C1RL: variants seen among roughly 807,000 people sequenced by gnomAD.
C1RL encodes complement C1r subcomponent like, also known as complement C1r subcomponent-like protein.
A neutral mutation model predicts 27.9 loss-of-function variants in C1RL; 27 were observed. The observed-to-expected ratio is 0.97, with a 90% confidence interval of 0.71 to 1.33. The LOEUF (loss-of-function observed/expected upper bound fraction) is 1.33, where lower values mean the gene tolerates loss of function less well. Ranked by LOEUF, C1RL falls within the 40% of genes most tolerant of loss-of-function variation. The pLI is 0.00. For missense variants in C1RL, 563 were observed against 623.9 expected (o/e 0.90, Z 1.04); for synonymous variants, 248 against 252.1 (o/e 0.98, Z 0.15).
In C1RL at chr12:7,100,132, T is replaced by A. The variant is rs930283053; in HGVS notation, c.491-106A>T. The A allele has an allele frequency of 1.7e-5, 19 of 1,118,656 alleles. No homozygotes were observed. In the African/African-American group the frequency reaches 2.8e-4, roughly 17 times the overall value. The allele number at this position is 1,118,656 out of a possible 1,614,324, so 69.3% of individuals were successfully genotyped here. On this transcript the variant is annotated intron_variant, in intron 3 of 5. Coordinates refer to ENST00000266542, the MANE Select transcript of C1RL (RefSeq NM_016546.4). ...GACTTGCACAGTGTTTTATTTTTTA[T>A]TTTTAGTTTTTTTAAAACATTTGAG...
At chr12:7,107,325 C>T (rs1050535991) in intron 2 of C1RL, among the ~76,000 whole-genome samples, 1 of 152,102 alleles carries the variant, frequency 6.6e-6, no homozygotes, top group African/African-American at 2.4e-5. Context: ...CGTGCCACCA[C>T]ACTTGGCTAA....
chr12:7,098,131 C>T (rs745306254), intron 5 of C1RL, among the ~76,000 whole-genome samples: 13 of 152,192 alleles, frequency 8.5e-5, no homozygotes, highest in African/African-American at 3.1e-4. Flanking sequence ...ATTAGCCGGC[C>T]GTGGTGGCGG....
In C1RL at chr12:7,109,001, G is replaced by T. The variant is rs1229776448; in HGVS notation, c.71+109C>A. 7.4e-5 allele frequency: 25 copies of T among 338,994 alleles called. 1 individual carries two copies. In the African/African-American group the frequency reaches 1.2e-3, roughly 17 times the overall value. 21.0% of individuals were successfully genotyped at this position (338,994 alleles called of 1,614,324 possible). ...TGTGTGTGTGTGTGGGGGGGGGGGG[G>T]ATGTGTGTGTGGGGGGGGTAGGGTG... On this transcript the variant is annotated intron_variant, in intron 1 of 5. Transcript: ENST00000266542.
At position 7,095,362 on chromosome 12, in the gene C1RL, C is replaced by T. The variant is rs2135750213; in HGVS notation, c.*1029G>A. 9.8e-7 allele frequency: 1 copy of T among 1,023,000 alleles called. No homozygotes were observed. Among genetic ancestry groups the T allele is most frequent in the Non-Finnish European group, 1.2e-6 (1 of 844,290 alleles). 63.4% of individuals were successfully genotyped at this position (1,023,000 alleles called of 1,614,324 possible). A position where few individuals can be genotyped will look rare whatever the true frequency, so the allele number is the denominator to read the frequency against. On this transcript the variant is annotated 3_prime_UTR_variant, in exon 6 of 6. Coordinates refer to ENST00000266542, the MANE Select transcript of C1RL (RefSeq NM_016546.4). ...ATCTCCTGACCTCGTGATCCACCCA[C>T]CTCGGACTCCTAAGGTGTTGGGATT...
chr12:7,094,637 A>G lies in C1RL; in HGVS notation c.*1754T>C. ...ATCATAAAAATAAGCAAAATAAAATAAAAACATTTCATGCTCATTAAACAA... is the reference window on the plus strand; with the variant it reads ...ATCATAAAAATAAGCAAAATAAAATGAAAACATTTCATGCTCATTAAACAA... On this transcript the variant is annotated 3_prime_UTR_variant, in exon 6 of 6. Coordinates refer to ENST00000266542, the MANE Select transcript of C1RL (RefSeq NM_016546.4). 1.0e-6 allele frequency: 1 copy of G among 976,472 alleles called. No individual in the cohort carries two copies. Among genetic ancestry groups the G allele is most frequent in the Non-Finnish European group, 1.2e-6 (1 of 821,750 alleles). The allele number at this position is 976,472 out of a possible 1,614,324, so 60.5% of individuals were successfully genotyped here. A position where few individuals can be genotyped will look rare whatever the true frequency, so the allele number is the denominator to read the frequency against.
rs1938446175 is a variant in C1RL at position 7,096,776 on chromosome 12, A to T, written c.1079T>A (p.Leu360Gln). The change falls in exon 6 of 6, where the codon CTG (leucine) becomes CAG (glutamine). Residue 360 changes from leucine to glutamine, a missense_variant. By Grantham distance (113) the Leu-to-Gln change is moderately radical. Coordinates refer to ENST00000266542, the MANE Select transcript of C1RL (RefSeq NM_016546.4). ...PLGPNVLPVC[L>Q]PDNETLYRSG... ...GCGGTAGAGGGTCTCATTATCGGGCAGACAGACCGGGAGGACGTTGGGGCC... is the reference window on the plus strand; with the variant it reads ...GCGGTAGAGGGTCTCATTATCGGGCTGACAGACCGGGAGGACGTTGGGGCC... The T allele has an allele frequency of 1.2e-6, 2 of 1,606,928 alleles. No individual in the cohort carries two copies. The highest frequency in any genetic ancestry group is 2.7e-5 in the African/African-American group (2 of 74,812).
In C1RL at chr12:7,096,911, C is replaced by A. The variant is rs768132632; in HGVS notation, c.944G>T (p.Gly315Val). The change falls in exon 6 of 6, where the codon GGG becomes GTG. Residue 315 changes from glycine to valine, a missense_variant. By Grantham distance (109) the Gly-to-Val change is moderately radical. Transcript: ENST00000266542. The stretch of plus-strand genomic sequence containing the variant: ...AACGACACGGTGGACAGGGTGGTTC[C>A]CCAGTTTCAGCATCTCATCTATGGC... The part of the protein sequence containing the change: ...HTAIDEMLKL[G>V]NHPVHRVVVH... 1.2e-6 allele frequency: 2 copies of A among 1,603,026 alleles called. No individual in the cohort carries two copies. The highest frequency in any genetic ancestry group is 4.5e-5 in the East Asian group (2 of 44,730).
chr12:7,108,551 G>T, intron 1 of C1RL, 72 bp from the exon 2 acceptor site: 1 of 1,285,788 alleles, frequency 7.8e-7, no homozygotes. Context: ...GGGAGGAGCG[G>T]GGGAGCCGCG....
rs188242521 is a variant in C1RL, at chr12:7,104,619, G to A, written c.301-2532C>T. On this transcript the variant is annotated intron_variant, in intron 2 of 5. Transcript: ENST00000266542. The surrounding 1 kb of genome is among the most constrained non-coding windows in gnomAD (Gnocchi z 5.4). ...AGTGTGTGAGTGCGTCCTGAAACAG[G>A]ATGGTGTCCTGTCCAGCACTGGTTC... is the stretch of plus-strand genomic sequence containing the variant. Among the ~76,000 whole-genome samples, 3 of 152,300 alleles carry A rather than the reference G, an allele frequency of 2.0e-5. No individual in the cohort carries two copies. In the East Asian group the frequency reaches 5.8e-4, roughly 29 times the overall value.
At chr12:7,100,702 G>A (rs1182602858) in intron 3 of C1RL, among the ~76,000 whole-genome samples, 2 of 152,034 alleles carry the variant, frequency 1.3e-5, no homozygotes, top group South Asian at 2.1e-4. Context: ...CAGGAGAATC[G>A]CTTGAACCCA....
chr12:7,100,168 C>T (rs1269733690), intron 3 of C1RL, 142 bp from the exon 4 acceptor site: 1 of 837,714 alleles, frequency 1.2e-6, no homozygotes. Flanking sequence ...TTCGTTTTCA[C>T]TGATCAGATT....
At chr12:7,102,200 C>G (rs1457813691) in intron 2 of C1RL, 113 bp from the exon 3 acceptor site, 2 of 1,112,330 alleles carry the variant, frequency 1.8e-6, no homozygotes, top group Non-Finnish European at 2.6e-6. Flanking sequence ...ACGGGCCGTG[C>G]CCCTCTGGGG....
In C1RL at chr12:7,104,371, C is replaced by T. The variant is rs991432843; in HGVS notation, c.301-2284G>A. Among the ~76,000 whole-genome samples, 24 of 152,154 alleles carry T rather than the reference C, an allele frequency of 1.6e-4. No homozygotes were observed. Among genetic ancestry groups the T allele is most frequent in the Admixed American group, 6.6e-5 (1 of 15,264 alleles). On this transcript the variant is annotated intron_variant, in intron 2 of 5. Coordinates refer to ENST00000266542, the MANE Select transcript of C1RL (RefSeq NM_016546.4). The surrounding 1 kb of genome is among the most constrained non-coding windows in gnomAD (Gnocchi z 5.4). ...CCCGCGGCACACTTGATAGAGGGGG[C>T]GAAGGCCAGTGCAGCAGGTCCATGA... is the stretch of plus-strand genomic sequence containing the variant.
At chr12:7,108,552 G>T in intron 1 of C1RL, 73 bp from the exon 2 acceptor site, 1 of 1,287,634 alleles carries the variant, frequency 7.8e-7, no homozygotes, top group South Asian at 1.4e-5. Context: ...GGAGGAGCGG[G>T]GGAGCCGCGC....
rs1938451254 is a variant in C1RL at position 7,096,867 on chromosome 12, G to A, written c.988C>T (p.Gln330Ter). 1 of 1,600,260 alleles carries A rather than the reference G, an allele frequency of 6.2e-7. No homozygotes were observed. The highest frequency in any genetic ancestry group is 8.5e-7 in the Non-Finnish European group (1 of 1,172,006). Residue 330 changes from glutamine to a stop codon, truncating the protein, a stop_gained, in exon 6 of 6, where the codon CAG becomes TAG. Transcript: ENST00000266542. LOFTEE classifies it low-confidence loss of function (END_TRUNC). The stretch of plus-strand genomic sequence containing the variant: ...CCGCTAAAGTTATGGGACTCATTCT[G>A]ACGGTAGTCGGGGTGCACAACGACA... ...HRVVVHPDYRQNESHNFSGDI... is the reference protein window; with the variant it reads ...HRVVVHPDYR
intron 2 of C1RL, 81 bp from the exon 3 acceptor site, chr12:7,102,168 G>A: frequency 7.0e-7 from 1 of 1,420,574 alleles, no homozygotes; most frequent in Non-Finnish European, 9.7e-7. Context: ...CACATCCTCG[G>A]TGTGACTCCT....
chr12:7,101,859 C>T (rs781269197), intron 3 of C1RL, 39 bp downstream of exon 3: 1 of 1,599,932 alleles, frequency 6.3e-7, no homozygotes, highest in South Asian at 1.1e-5. Flanking sequence ...TGGCTGGGAA[C>T]AGAGGCTCCC....
Position 7,096,280 on chromosome 12 carries a change from T to TGCG in C1RL, c.*110_*111insCGC. On this transcript the variant is annotated 3_prime_UTR_variant, in exon 6 of 6. Transcript: ENST00000266542. The stretch of plus-strand genomic sequence containing the variant: ...GTGATGTGAATAGGATTTCCCTGCC[T>TGCG]CCCCCAACCCCCCACCCCCAACCCC... 1 of 992,720 alleles carries TGCG rather than the reference T, an allele frequency of 1.0e-6. No individual in the cohort carries two copies. 61.5% of individuals were successfully genotyped at this position (992,720 alleles called of 1,614,324 possible). A position where few individuals can be genotyped will look rare whatever the true frequency, so the allele number is the denominator to read the frequency against.
intron 1 of C1RL, 60 bp from the exon 2 acceptor site, chr12:7,108,539 G>T: frequency 7.1e-7 from 1 of 1,403,430 alleles, no homozygotes; most frequent in Non-Finnish European, 9.7e-7. Flanking sequence ...GCCTGTGGGT[G>T]TGGGAGGAGC....
Sources: gnomAD v4.1 joint callset for allele counts (sites outside exome capture counted in the v4.1 genomes callset) on GRCh38, gnomAD v4.1.1 for gene constraint, Gnocchi (gnomAD v3.1) non-coding constraint, MANE v1.5 for transcripts, NCBI Gene and HGNC (gene_info 2026-07-23, HGNC 2026-07-21) for gene names.